DOCK1: variants seen among roughly 807,000 people sequenced by gnomAD.
DOCK1 encodes the protein dedicator of cytokinesis protein 1.
Under a neutral mutation model 262.7 loss-of-function variants are expected in DOCK1, and 138 were observed. That is an observed-to-expected ratio of 0.53 (90% CI 0.46 to 0.61). The LOEUF is 0.61. Among genes scored for constraint, DOCK1 ranks in the 20% least tolerant of loss-of-function variants. The pLI, the probability that DOCK1 is intolerant of heterozygous loss-of-function variation, is 0.00. For synonymous variants in DOCK1, 866 were observed against 867.4 expected (o/e 1.00, Z 0.03); for missense variants, 1,908 against 2,370.7 (o/e 0.80, Z 4.05).
chr10:127,075,941 T>C (rs1285309334), intron 23 of DOCK1, among the ~76,000 whole-genome samples: 1 of 152,190 alleles, frequency 6.6e-6, no homozygotes, highest in Middle Eastern at 3.2e-3. Context: ...AAGTTTATGA[T>C]GGTTCACAAA....
At position 126,931,437 on chromosome 10, in the gene DOCK1, G is replaced by T. The variant is rs2034178462; in HGVS notation, c.46+25874G>T. ...GGAGCAGTGGGTGGTACCTGGTCTG[G>T]TGGCACCGGGGGAAGCGAGGCCCAG... On this transcript the variant is annotated intron_variant, in intron 1 of 51. Coordinates refer to ENST00000623213, the MANE Select transcript of DOCK1 (RefSeq NM_001290223.2). Among the ~76,000 whole-genome samples the T allele has an allele frequency of 1.1e-4, 16 of 152,242 alleles. 1 individual carries two copies. In the South Asian group the frequency reaches 3.3e-3, roughly 32 times the overall value.
At chr10:127,225,797 G>A (rs912514413) in intron 27 of DOCK1, among the ~76,000 whole-genome samples, 1 of 152,176 alleles carries the variant, frequency 6.6e-6, no homozygotes, top group South Asian at 2.1e-4. Flanking sequence ...AGAAGTAGTT[G>A]GACGGGCATG....
At chr10:127,121,368 T>C (rs1478048215) in intron 25 of DOCK1, among the ~76,000 whole-genome samples, 1 of 152,044 alleles carries the variant, frequency 6.6e-6, no homozygotes, top group Non-Finnish European at 1.5e-5. Flanking sequence ...AGGTGTGTTG[T>C]CCATAGGAAG....
chr10:127,372,237 AG>A (rs755170673), intron 33 of DOCK1, among the ~76,000 whole-genome samples: 9 of 152,152 alleles, frequency 5.9e-5, no homozygotes, highest in Non-Finnish European at 1.0e-4. Context: ...GAGGACAGGC[AG>A]GGCGTCTGTG....
At chr10:127,076,985 G>A (rs1234986106) in intron 23 of DOCK1, among the ~76,000 whole-genome samples, 8 of 152,198 alleles carry the variant, frequency 5.3e-5, no homozygotes, top group Non-Finnish European at 8.8e-5. Flanking sequence ...GCCCTTGAGA[G>A]TGTGGTGATT....
At chr10:127,252,028 C>T (rs1219297160) in intron 28 of DOCK1, among the ~76,000 whole-genome samples, 1 of 151,784 alleles carries the variant, frequency 6.6e-6, no homozygotes, top group African/African-American at 2.4e-5. Context: ...CCTATTTCTC[C>T]ACATCCTCTC....
At chr10:127,090,463 C>CT (rs71032537) in intron 23 of DOCK1, among the ~76,000 whole-genome samples, 19 of 147,944 alleles carry the variant, frequency 1.3e-4, no homozygotes, top group East Asian at 6.0e-4. Flanking sequence ...GAGAATGGGA[C>CT]TTTTTTTTTT....
At chr10:127,400,350 G>A (rs915296262) in intron 38 of DOCK1, among the ~76,000 whole-genome samples, 1 of 152,220 alleles carries the variant, frequency 6.6e-6, no homozygotes, top group Non-Finnish European at 1.5e-5. Flanking sequence ...GTGAGCGGGT[G>A]GGGGCTCAGT....
intron 31 of DOCK1, 93 bp downstream of exon 31, chr10:127,343,839 T>C (rs2063524788): frequency 6.7e-6 from 7 of 1,048,116 alleles, no homozygotes; most frequent in African/African-American, 3.2e-5. Context: ...TTGATACAAA[T>C]TGAGATGTAA....
At chr10:127,414,860 T>C (rs1223040183) in intron 43 of DOCK1, among the ~76,000 whole-genome samples, 1 of 152,206 alleles carries the variant, frequency 6.6e-6, no homozygotes, top group Non-Finnish European at 1.5e-5. Context: ...TTTTGGAGTA[T>C]ACACATCTTT....
chr10:127,075,408 A>G (rs2046467769), intron 23 of DOCK1, among the ~76,000 whole-genome samples: 1 of 152,066 alleles, frequency 6.6e-6, no homozygotes, highest in Non-Finnish European at 1.5e-5. Flanking sequence ...AGTAGCTGGG[A>G]CTATAGGCCA....
intron 1 of DOCK1, among the ~76,000 whole-genome samples, chr10:126,936,454 G>A (rs2034563370): frequency 6.6e-6 from 1 of 152,172 alleles, no homozygotes; most frequent in Admixed American, 6.5e-5. Context: ...TTTATAGACA[G>A]TGAAATTTGT....
At chr10:127,266,758 C>T (rs1439715798) in intron 29 of DOCK1, among the ~76,000 whole-genome samples, 1 of 152,132 alleles carries the variant, frequency 6.6e-6, no homozygotes. Flanking sequence ...GAAGATTTCC[C>T]TAGAGTTCTC....
chr10:126,980,481 T>A, intron 3 of DOCK1, among the ~76,000 whole-genome samples: 1 of 152,158 alleles, frequency 6.6e-6, no homozygotes. Flanking sequence ...CGGTTGCAGG[T>A]GTGCACCTCT....
intron 24 of DOCK1, among the ~76,000 whole-genome samples, chr10:127,107,933 C>A (rs968494849): frequency 6.6e-6 from 1 of 152,198 alleles, no homozygotes; most frequent in Non-Finnish European, 1.5e-5. Context: ...CGGGCCTGTC[C>A]TCACTGTACG....
chr10:127,331,591 T>C (rs2135670348), intron 29 of DOCK1, among the ~76,000 whole-genome samples: 1 of 152,258 alleles, frequency 6.6e-6, no homozygotes, highest in African/African-American at 2.4e-5. Context: ...CCGGATTCAG[T>C]TTTTAAGTCT....
intron 3 of DOCK1, 35 bp from the exon 4 acceptor site, chr10:126,981,883 T>A: frequency 6.3e-7 from 1 of 1,597,688 alleles, no homozygotes; most frequent in African/African-American, 1.3e-5. Context: ...ATCCTATTGA[T>A]AATAAAAGCT....
At chr10:127,333,827 AG>A (rs1363953257) in intron 29 of DOCK1, among the ~76,000 whole-genome samples, 2 of 152,304 alleles carry the variant, frequency 1.3e-5, no homozygotes, top group African/African-American at 4.8e-5. Context: ...ACATTTTGTA[AG>A]GTGTCAGTGG....
intron 29 of DOCK1, among the ~76,000 whole-genome samples, chr10:127,308,587 C>T (rs926029401): frequency 6.6e-6 from 1 of 152,206 alleles, no homozygotes; most frequent in African/African-American, 2.4e-5. Flanking sequence ...CCTCCCCTTG[C>T]TGCCAACCCC....
Sources: gnomAD v4.1 joint callset for allele counts (sites outside exome capture counted in the v4.1 genomes callset) on GRCh38, gnomAD v4.1.1 for gene constraint, MANE v1.5 for transcripts, NCBI Gene and HGNC (gene_info 2026-07-23, HGNC 2026-07-21) for gene names.